The following SEMA3F variants were observed in gnomAD, a reference collection of about 807,000 sequenced individuals.
SEMA3F encodes the protein semaphorin-3F.
A neutral mutation model predicts 98.5 loss-of-function variants in SEMA3F; 30 were observed. The ratio of observed to expected loss-of-function variants is 0.30; its 90% CI spans 0.23 to 0.41. The LOEUF is 0.41. Ranked by LOEUF, SEMA3F falls within the 10% of genes least tolerant of loss-of-function variation. The pLI, the probability that SEMA3F is intolerant of heterozygous loss-of-function variation, is 1.00. For synonymous variants in SEMA3F, 380 were observed against 444.8 expected, an observed-to-expected ratio of 0.85 and a Z score of 1.83; for missense variants, 866 against 1,119.3, an observed-to-expected ratio of 0.77 and a Z score of 3.23.
chr3:50,171,547 G>T (rs1014453805), intron 2 of SEMA3F, among the ~76,000 whole-genome samples: 1 of 152,100 alleles, frequency 6.6e-6, no homozygotes, highest in East Asian at 1.9e-4. Flanking sequence ...CAGGGGATGG[G>T]TAAGGGCATG....
Position 50,186,054 on chromosome 3 carries a change from C to A in SEMA3F, c.1745+8C>A. The stretch of plus-strand genomic sequence containing the variant: ...TACAGCATCCTCCAAGAGGTGTGGA[C>A]CCCTAGACACCTAGAATTTTAGCAA... On this transcript the variant is annotated splice_region_variant and intron_variant, in intron 16 of 18. Transcript: ENST00000002829. 1 of 1,593,846 alleles carries A rather than the reference C, an allele frequency of 6.3e-7. No homozygotes were observed. Among genetic ancestry groups the A allele is most frequent in the Non-Finnish European group, 8.6e-7 (1 of 1,166,834 alleles).
chr3:50,182,389 C>A lies in SEMA3F; in HGVS notation c.749C>A (p.Ser250Tyr). Residue 250 changes from serine (S) to tyrosine (Y), a missense_variant, in exon 8 of 19, where the codon TCC (serine) becomes TAC (tyrosine). Coordinates refer to ENST00000002829, the MANE Select transcript of SEMA3F (RefSeq NM_004186.5). This position sits in a 1 kb window ranked among gnomAD's most constrained non-coding sequence, Gnocchi z 4.5. ...QTAMRTDQYN[S>Y]RWLNDPSFIH... ...GCCATGCGCACGGATCAGTACAACT[C>A]CCGGTGGCTGAACGGTAAGCGCAGC... 1 of 1,613,926 alleles carries A rather than the reference C, an allele frequency of 6.2e-7. No individual in the cohort carries two copies. Among genetic ancestry groups the A allele is most frequent in the Non-Finnish European group, 8.5e-7 (1 of 1,180,042 alleles).
At chr3:50,187,052 C>T (rs1287971432) in intron 18 of SEMA3F, among the ~76,000 whole-genome samples, 1 of 152,122 alleles carries the variant, frequency 6.6e-6, no homozygotes, top group Non-Finnish European at 1.5e-5. Context: ...CTATGGGGCC[C>T]TCATTTTATG....
At chr3:50,175,244 A>C in intron 6 of SEMA3F, 56 bp downstream of exon 6, 8 of 1,278,904 alleles carry the variant, frequency 6.3e-6, no homozygotes, top group Non-Finnish European at 8.9e-6. Flanking sequence ...AGCGGAACTC[A>C]CCCTGGGCCT....
chr3:50,158,714 A>G lies in SEMA3F; in HGVS notation c.-48-861A>G, dbSNP rs1272409263. On this transcript the variant is annotated intron_variant, in intron 1 of 18. Transcript: ENST00000002829. This position sits in a 1 kb window ranked among gnomAD's most constrained non-coding sequence, Gnocchi z 4.8. ...CGCTGGTTTGTGCCGGGAGGGAGCAATATGTTCTGACAACTGGTGCTGGGC... is the reference window on the plus strand; with the variant it reads ...CGCTGGTTTGTGCCGGGAGGGAGCAGTATGTTCTGACAACTGGTGCTGGGC... 1.3e-5 allele frequency among the ~76,000 whole-genome samples: 2 copies of G among 152,144 alleles called. No homozygotes were observed. The highest frequency in any genetic ancestry group is 1.9e-4 in the East Asian group (1 of 5,204).
upstream of SEMA3F, chr3:50,155,063 C>A: frequency 2.7e-6 from 1 of 364,254 alleles, no homozygotes; most frequent in Non-Finnish European, 5.0e-6. This position sits in a 1 kb window ranked among gnomAD's most constrained non-coding sequence, Gnocchi z 4.9. Context: ...GCTCTGAGCG[C>A]CCCGTCCCGC....
Position 50,155,534 on chromosome 3 carries a change from C to A in SEMA3F, c.-79C>A, listed in dbSNP as rs1174823516. 2 of 318,134 alleles carry A rather than the reference C, an allele frequency of 6.3e-6. No homozygotes were observed. Among genetic ancestry groups the A allele is most frequent in the East Asian group, 4.9e-5 (1 of 20,480 alleles). 19.7% of individuals were successfully genotyped at this position (318,134 alleles called of 1,614,324 possible). ...GCCGCTCCGTGCCGCCGCCGCCGCC[C>A]GGGCGCCCAGGCCCCGCCGCTGCGG... On this transcript the variant is annotated 5_prime_UTR_variant, in exon 1 of 19. Transcript: ENST00000002829. This position sits in a 1 kb window ranked among gnomAD's most constrained non-coding sequence, Gnocchi z 4.9.
intron 2 of SEMA3F, among the ~76,000 whole-genome samples, chr3:50,167,700 T>A (rs765097890): frequency 6.6e-6 from 1 of 152,190 alleles, no homozygotes; most frequent in Non-Finnish European, 1.5e-5. Flanking sequence ...GGGCCCCTCG[T>A]TGCAGGGGAT....
At chr3:50,184,896 G>C in intron 13 of SEMA3F, 82 bp downstream of exon 13, 1 of 991,630 alleles carries the variant, frequency 1.0e-6, no homozygotes, top group South Asian at 1.5e-5. Flanking sequence ...GGCTTGCCCT[G>C]CTAGGGCTTG....
chr3:50,184,338 G>A (rs1358504336), intron 12 of SEMA3F: 18 of 547,750 alleles, frequency 3.3e-5, no homozygotes, highest in African/African-American at 5.7e-5. Context: ...GGAGTGGTCC[G>A]CTTGGCCAAA....
At position 50,186,685 on chromosome 3, in the gene SEMA3F, G is replaced by T. The variant is rs761601708; in HGVS notation, c.1886G>T (p.Arg629Leu). ...GCAGCCTTCCTTGAGTGCCAGCCCCGCTCGCCCCAAGCCACTGTTAAGTGG... is the reference window on the plus strand; with the variant it reads ...GCAGCCTTCCTTGAGTGCCAGCCCCTCTCGCCCCAAGCCACTGTTAAGTGG... ...GSAAFLECQP[R>L]SPQATVKWLF... Residue 629 changes from arginine to leucine, a missense_variant, in exon 18 of 19, where the codon CGC becomes CTC. By Grantham distance (102) the Arg-to-Leu change is moderately radical (BLOSUM62 -2). Around this residue, in one of 3 missense-constraint regions of SEMA3F, gnomAD observed 245 missense variants for 260.5 expected, o/e 0.94. Transcript: ENST00000002829. 6.2e-7 allele frequency: 1 copy of T among 1,610,354 alleles called. No homozygotes were observed. The highest frequency in any genetic ancestry group is 1.7e-5 in the Admixed American group (1 of 59,908).
At chr3:50,157,855 C>A (rs781457425) in intron 1 of SEMA3F, among the ~76,000 whole-genome samples, 2 of 152,174 alleles carry the variant, frequency 1.3e-5, no homozygotes, top group African/African-American at 2.4e-5. Flanking sequence ...AAAATGAGGT[C>A]ATGGGGAGGG....
In SEMA3F at chr3:50,182,263, G is replaced by A. The variant is rs779680467; in HGVS notation, c.644-21G>A. The A allele has an allele frequency of 6.2e-7, 1 of 1,613,926 alleles. No homozygotes were observed. The highest frequency in any genetic ancestry group is 2.2e-5 in the East Asian group (1 of 44,884). ...CCTAGCAAACAGCAGCCCCCCAACTGACCCACTGGCCTACCCACAGATGAG... is the reference window on the plus strand; with the variant it reads ...CCTAGCAAACAGCAGCCCCCCAACTAACCCACTGGCCTACCCACAGATGAG... On this transcript the variant is annotated intron_variant, in intron 7 of 18. Coordinates refer to ENST00000002829, the MANE Select transcript of SEMA3F (RefSeq NM_004186.5). This position sits in a 1 kb window ranked among gnomAD's most constrained non-coding sequence, Gnocchi z 4.5.
At chr3:50,181,162 CT>C (rs1699001827) in intron 7 of SEMA3F, among the ~76,000 whole-genome samples, 1 of 152,020 alleles carries the variant, frequency 6.6e-6, no homozygotes, top group Non-Finnish European at 1.5e-5. Flanking sequence ...AACAGACTTG[CT>C]TGACACAGGG....
chr3:50,179,884 A>G (rs577973903), intron 7 of SEMA3F, among the ~76,000 whole-genome samples: 2 of 152,260 alleles, frequency 1.3e-5, no homozygotes, highest in East Asian at 3.9e-4. Flanking sequence ...TTTGCTCTGG[A>G]TTAGACTTTG....
intron 2 of SEMA3F, 112 bp downstream of exon 2, chr3:50,159,846 C>T (rs1698137680): frequency 1.4e-6 from 1 of 739,646 alleles, no homozygotes; most frequent in Non-Finnish European, 2.3e-6. Flanking sequence ...ACAAATTGTA[C>T]AGCCACATAG....
chr3:50,173,986 G>T (rs754551257), intron 3 of SEMA3F, 33 bp downstream of exon 3: 1 of 1,613,918 alleles, frequency 6.2e-7, no homozygotes, highest in South Asian at 1.1e-5. Flanking sequence ...GACGTGGGGT[G>T]GGCACGGAGC....
chr3:50,160,163 C>T (rs1698150045), intron 2 of SEMA3F, among the ~76,000 whole-genome samples: 1 of 152,200 alleles, frequency 6.6e-6, no homozygotes, highest in Non-Finnish European at 1.5e-5. Flanking sequence ...GACACTGGAA[C>T]CTCTGGACAC....
Position 50,188,303 on chromosome 3 carries a change from A to C in SEMA3F, c.*188A>C. On this transcript the variant is annotated 3_prime_UTR_variant, in exon 19 of 19. Transcript: ENST00000002829. The surrounding 1 kb of genome is among the most constrained non-coding windows in gnomAD (Gnocchi z 4.5). ...GCAGCATCCTCCAAAACTTAGACCC[A>C]TGCTGGTCAGAGACGGCAGAAAACA... 1.5e-5 allele frequency: 3 copies of C among 196,202 alleles called. No homozygotes were observed. Among genetic ancestry groups the C allele is most frequent in the Non-Finnish European group, 2.0e-5 (2 of 101,306 alleles). The allele number at this position is 196,202 out of a possible 1,614,324, so 12.2% of individuals were successfully genotyped here. A position where few individuals can be genotyped will look rare whatever the true frequency, so the allele number is the denominator to read the frequency against.
Sources: allele counts gnomAD v4.1 joint callset (sites outside exome capture counted in the v4.1 genomes callset), GRCh38; gene constraint gnomAD v4.1.1; regional missense constraint gnomAD v4.1.1; non-coding constraint Gnocchi (gnomAD v3.1); transcripts MANE v1.5; gene names NCBI Gene and HGNC (gene_info 2026-07-23, HGNC 2026-07-21).